Variants in GFM1 observed in about 807,000 individuals in gnomAD.
GFM1 encodes G elongation factor mitochondrial 1, also known as elongation factor G, mitochondrial.
Under a neutral mutation model 96.2 loss-of-function variants are expected in GFM1, and 62 were observed. The observed-to-expected ratio is 0.64, with a 90% CI of 0.53 to 0.80. The LOEUF is 0.80. Ranked by LOEUF, GFM1 falls within the 30% of genes least tolerant of loss-of-function variation. The probability of loss-of-function intolerance (pLI) is 0.00; values close to 1 mark genes in which losing one functional copy is unlikely to be tolerated. For synonymous variants in GFM1, 282 were observed against 312.9 expected (o/e 0.90, Z 1.04); for missense variants, 852 against 916.6 (o/e 0.93, Z 0.91).
At chr3:158,673,937 A>G (rs975515689) in intron 13 of GFM1, among the ~76,000 whole-genome samples, 3 of 133,912 alleles carry the variant, frequency 2.2e-5, no homozygotes, top group African/African-American at 9.6e-5. Flanking sequence ...GTCTCCTGGG[A>G]TTTGGGGGTT....
At chr3:158,672,311 C>G (rs202143550) in intron 13 of GFM1, 2 of 1,609,696 alleles carry the variant, frequency 1.2e-6, no homozygotes, top group African/African-American at 2.7e-5. Flanking sequence ...GAGCGCAATC[C>G]TGAAGCCTCT....
chr3:158,670,273 T>C (rs1189980011), intron 13 of GFM1, among the ~76,000 whole-genome samples: 2 of 152,216 alleles, frequency 1.3e-5, no homozygotes, highest in African/African-American at 4.8e-5. Flanking sequence ...AAGATCTTCA[T>C]CTGAATGGTG....
chr3:158,647,292 C>T (rs150205966), intron 4 of GFM1, among the ~76,000 whole-genome samples: 101 of 152,242 alleles, frequency 6.6e-4, no homozygotes, highest in African/African-American at 2.3e-3. Flanking sequence ...AAAAGATCAT[C>T]TTTGGTTTTA....
At position 158,653,338 on chromosome 3, in the gene GFM1, G is replaced by C; in HGVS notation, c.869G>C (p.Arg290Thr). The change falls in exon 7 of 18, where the codon AGA becomes ACA. Residue 290 changes from arginine to threonine, a missense_variant. Transcript: ENST00000486715. ...KLAIRRATLK[R>T]SFTPVFLGSA... ...GCAATTCGAAGAGCTACTCTGAAAAGATCATTTACTCCTGTATTTTTGGGA... is the reference window on the plus strand; with the variant it reads ...GCAATTCGAAGAGCTACTCTGAAAACATCATTTACTCCTGTATTTTTGGGA... The C allele has an allele frequency of 6.2e-7, 1 of 1,613,516 alleles. No homozygotes were observed.
chr3:158,682,371 A>G, intron 14 of GFM1: 1 of 534,826 alleles, frequency 1.9e-6, no homozygotes, highest in Non-Finnish European at 3.3e-6. Context: ...ATGGGAAATT[A>G]TTATGTTTCT....
At chr3:158,683,601 A>G (rs1725587877) in intron 14 of GFM1, among the ~76,000 whole-genome samples, 1 of 152,262 alleles carries the variant, frequency 6.6e-6, no homozygotes, top group Non-Finnish European at 1.5e-5. Flanking sequence ...GAGGCAAAGC[A>G]GTTAGAGGTA....
At chr3:158,660,745 G>C (rs1723136856) in intron 9 of GFM1, 129 bp from the exon 10 acceptor site, 1 of 765,808 alleles carries the variant, frequency 1.3e-6, no homozygotes, top group Non-Finnish European at 2.3e-6. Flanking sequence ...ATTCACTATA[G>C]AATTCAAGCA....
At chr3:158,659,142 A>T in intron 9 of GFM1, 83 bp downstream of exon 9, 1 of 1,456,610 alleles carries the variant, frequency 6.9e-7, no homozygotes, top group Non-Finnish European at 9.6e-7. Context: ...GCCCCACTAG[A>T]AAATTAATTC....
At chr3:158,663,855 G>C (rs904787193) in intron 11 of GFM1, among the ~76,000 whole-genome samples, 4 of 152,156 alleles carry the variant, frequency 2.6e-5, no homozygotes, top group Non-Finnish European at 4.4e-5. Context: ...GTTTAAAGAT[G>C]GCTGCTTGCT....
rs374701300 is a variant in GFM1, at chr3:158,672,412, A to G, written c.1601+6026A>G. 1.2e-5 allele frequency: 19 copies of G among 1,613,998 alleles called. No individual in the cohort carries two copies. The African/African-American group carries it at 1.5e-4, about 12-fold the overall frequency. ...ACCCTGTGCGGGGTCCCCTGCTGGT[A>G]GTTGATGTAGTTCTGTGCCACCAAG... On this transcript the variant is annotated intron_variant, in intron 13 of 17. Coordinates refer to ENST00000486715, the MANE Select transcript of GFM1 (RefSeq NM_024996.7).
intron 13 of GFM1, among the ~76,000 whole-genome samples, chr3:158,669,961 T>C (rs1724117731): frequency 6.6e-6 from 1 of 152,244 alleles, no homozygotes; most frequent in South Asian, 2.1e-4. Flanking sequence ...TTTAAAGTTT[T>C]TCCATTACTC....
In GFM1 at chr3:158,669,102, G is replaced by A. The variant is rs59718588; in HGVS notation, c.1601+2716G>A. 10,971 of 1,613,354 alleles carry A rather than the reference G, an allele frequency of 6.8e-3. 665 individuals carry two copies. In the African/African-American group the frequency reaches 0.13, roughly 19 times the overall value. ...AACCCAGGCTAAATGTAGAACGAGC[G>A]TCATTTCTGGAGATACATTTCCAAA... On this transcript the variant is annotated intron_variant, in intron 13 of 17. Transcript: ENST00000486715.
chr3:158,684,816 GAGATC>G (rs1383609477), intron 15 of GFM1, 148 bp downstream of exon 15: 2 of 737,076 alleles, frequency 2.7e-6, no homozygotes, highest in Non-Finnish European at 4.6e-6. Flanking sequence ...TTATGGACTT[GAGATC>G]AAGGTAGATT....
rs1287457876 is a variant in GFM1, at chr3:158,659,028, G to A, written c.1190G>A (p.Arg397Gln). 1.9e-6 allele frequency: 3 copies of A among 1,614,156 alleles called. No homozygotes were observed. Among genetic ancestry groups the A allele is most frequent in the East Asian group, 2.2e-5 (1 of 44,886 alleles). ...ACAAGAAAGAAAGTACGGTTGCAAC[G>A]GCTGGCTCGCATGCATGCCGACATG... ...TRTRKKVRLQ[R>Q]LARMHADMME... Residue 397 changes from arginine (R) to glutamine (Q), a missense_variant, in exon 9 of 18, where the codon CGG becomes CAG. Coordinates refer to ENST00000486715, the MANE Select transcript of GFM1 (RefSeq NM_024996.7).
At chr3:158,677,042 T>C (rs1724964034) in intron 13 of GFM1, among the ~76,000 whole-genome samples, 1 of 152,212 alleles carries the variant, frequency 6.6e-6, no homozygotes, top group East Asian at 1.9e-4. Context: ...TTCACATCTC[T>C]GTGTCACATT....
intron 15 of GFM1, among the ~76,000 whole-genome samples, chr3:158,685,651 G>A (rs1025744022): frequency 6.6e-6 from 1 of 152,106 alleles, no homozygotes; most frequent in Admixed American, 6.6e-5. Context: ...TTATGTTTCA[G>A]TTTCTCAGTT....
At chr3:158,676,472 A>G (rs967514418) in intron 13 of GFM1, among the ~76,000 whole-genome samples, 7 of 152,200 alleles carry the variant, frequency 4.6e-5, no homozygotes, top group Non-Finnish European at 7.3e-5. Flanking sequence ...GGTAATTTCA[A>G]TGTGATATAT....
At chr3:158,666,735 GAAT>G in intron 13 of GFM1, 1 of 1,613,124 alleles carries the variant, frequency 6.2e-7, no homozygotes, top group Non-Finnish European at 8.5e-7. Context: ...ATTTGCCAGG[GAAT>G]AATCTCCTGC....
chr3:158,666,858 G>T, intron 13 of GFM1: 1 of 1,423,750 alleles, frequency 7.0e-7, no homozygotes, highest in East Asian at 2.4e-5. Context: ...TAGTACTTTT[G>T]TTAAATTGCT....
Sources: gnomAD v4.1 joint callset for allele counts (sites outside exome capture counted in the v4.1 genomes callset) on GRCh38, gnomAD v4.1.1 for gene constraint, MANE v1.5 for transcripts, NCBI Gene and HGNC (gene_info 2026-07-23, HGNC 2026-07-21) for gene names.